Variants in BABAM2 observed in about 807,000 individuals in gnomAD.
BABAM2 encodes BRISC and BRCA1-A complex member 2.
A neutral mutation model predicts 54.7 loss-of-function variants in BABAM2; 31 were observed. The ratio of observed to expected loss-of-function variants is 0.57; its 90% CI spans 0.43 to 0.77. The LOEUF is 0.77. BABAM2 is among the 30% of genes least tolerant of loss of function. BABAM2 has a pLI of 0.00. For missense variants in BABAM2, 364 were observed against 455.8 expected, an observed-to-expected ratio of 0.80 and a Z score of 1.83; for synonymous variants, 167 against 162.9, an observed-to-expected ratio of 1.03 and a Z score of -0.19.
intron 10 of BABAM2, among the ~76,000 whole-genome samples, chr2:28,295,579 T>G (rs1359127508): frequency 1.3e-5 from 2 of 152,070 alleles, no homozygotes; most frequent in Admixed American, 1.3e-4. Context: ...CACTGCAACA[T>G]CTCTCTCCAG....
Position 28,324,501 on chromosome 2 carries a change from TGGTGGC to T in BABAM2, c.1089-13948_1089-13943del, listed in dbSNP as rs540123018. On this transcript the variant is annotated intron_variant, in intron 11 of 11. Transcript: ENST00000379624. ...TAGAAAAGTTACTTTGGGCCAGGCATGGTGGCTCACACCTATAATTTCAGAACTTTG... is the reference window on the plus strand; with the variant it reads ...TAGAAAAGTTACTTTGGGCCAGGCATTCACACCTATAATTTCAGAACTTTG... 9.3e-4 allele frequency among the ~76,000 whole-genome samples: 142 copies of T among 152,122 alleles called. 1 individual carries two copies. In the East Asian group the frequency reaches 0.01, roughly 11 times the overall value.
intron 10 of BABAM2, among the ~76,000 whole-genome samples, chr2:28,289,263 T>C (rs1163404949): frequency 1.3e-5 from 2 of 152,128 alleles, no homozygotes; most frequent in African/African-American, 2.4e-5. Flanking sequence ...CTAGTATATA[T>C]CCATAAAAAT....
At chr2:28,306,089 C>A (rs1688493820) in intron 11 of BABAM2, among the ~76,000 whole-genome samples, 1 of 152,064 alleles carries the variant, frequency 6.6e-6, no homozygotes, top group Admixed American at 6.5e-5. Context: ...GAGATCATAA[C>A]CTGTATGATT....
At chr2:28,107,462 C>G (rs537143898) in intron 6 of BABAM2, among the ~76,000 whole-genome samples, 1 of 152,296 alleles carries the variant, frequency 6.6e-6, no homozygotes, top group Non-Finnish European at 1.5e-5. Context: ...CCCTTCTCAC[C>G]AGTATCCAGT....
upstream of BABAM2, chr2:27,890,426 C>A: frequency 1.4e-6 from 2 of 1,382,402 alleles, no homozygotes; most frequent in South Asian, 1.2e-5. The surrounding 1 kb of genome is among the most constrained non-coding windows in gnomAD (Gnocchi z 4.8). Flanking sequence ...CCACTCCTGC[C>A]CTCCCTAACG....
chr2:27,911,721 G>A (rs1666615959), intron 2 of BABAM2, among the ~76,000 whole-genome samples: 1 of 152,010 alleles, frequency 6.6e-6, no homozygotes, highest in African/African-American at 2.4e-5. Flanking sequence ...CTCTCTCTCA[G>A]TACTGTCAGC....
At chr2:28,211,343 A>T (rs918396047) in intron 7 of BABAM2, among the ~76,000 whole-genome samples, 1 of 150,442 alleles carries the variant, frequency 6.6e-6, no homozygotes, top group African/African-American at 2.4e-5. Flanking sequence ...GTATTTAATA[A>T]CATTTGGTCA....
intron 5 of BABAM2, among the ~76,000 whole-genome samples, chr2:28,028,040 C>T (rs1322347353): frequency 1.3e-5 from 2 of 152,158 alleles, no homozygotes; most frequent in East Asian, 1.9e-4. Flanking sequence ...CAGGGTCTCT[C>T]ACAGGCTGTG....
intron 4 of BABAM2, among the ~76,000 whole-genome samples, chr2:28,001,759 G>A (rs1188764777): frequency 6.6e-6 from 1 of 151,990 alleles, no homozygotes; most frequent in African/African-American, 2.4e-5. Flanking sequence ...AGAGAGAGGA[G>A]GGGGGTGCTA....
intron 6 of BABAM2, among the ~76,000 whole-genome samples, chr2:28,103,197 T>C (rs971983570): frequency 3.9e-5 from 6 of 152,066 alleles, no homozygotes; most frequent in African/African-American, 1.2e-4. Context: ...TAAGGCCTTA[T>C]AGCCAGTGTT....
intron 3 of BABAM2, among the ~76,000 whole-genome samples, chr2:27,954,481 A>G (rs554306613): frequency 2.0e-5 from 3 of 152,324 alleles, no homozygotes; most frequent in East Asian, 3.9e-4. Context: ...GTGAAATACT[A>G]AAAGATTCCA....
chr2:28,296,806 G>A (rs899118533), intron 10 of BABAM2, among the ~76,000 whole-genome samples: 10 of 152,150 alleles, frequency 6.6e-5, no homozygotes, highest in Non-Finnish European at 2.9e-5. Flanking sequence ...TTCTGCCTCA[G>A]ACTCCCGGGT....
At position 28,322,275 on chromosome 2, in the gene BABAM2, G is replaced by A. The variant is rs1273124099; in HGVS notation, c.1089-16175G>A. ...GTCCCTGAACTTCGGTGAAGTATGA[G>A]CCACCAAGCTCCGCCCAAGGGTGAC... On this transcript the variant is annotated intron_variant, in intron 11 of 11. Coordinates refer to ENST00000379624, the MANE Select transcript of BABAM2 (RefSeq NM_199191.3). This position sits in a 1 kb window ranked among gnomAD's most constrained non-coding sequence, Gnocchi z 4.1. Among the ~76,000 whole-genome samples, 1 of 152,172 alleles carries A rather than the reference G, an allele frequency of 6.6e-6. No individual in the cohort carries two copies. The highest frequency in any genetic ancestry group is 1.5e-5 in the Non-Finnish European group (1 of 68,022).
chr2:27,917,618 A>C (rs531207715), intron 2 of BABAM2, among the ~76,000 whole-genome samples: 4 of 152,136 alleles, frequency 2.6e-5, no homozygotes, highest in Non-Finnish European at 5.9e-5. Flanking sequence ...GTCAGCTCTC[A>C]AAGGCCCTAC....
Position 28,281,995 on chromosome 2 carries a change from A to C in BABAM2, c.935-16343A>C, listed in dbSNP as rs145867582. 2.6e-3 allele frequency among the ~76,000 whole-genome samples: 395 copies of C among 152,340 alleles called. 6 individuals carry two copies. The highest frequency in any genetic ancestry group is 2.5e-3 in the Non-Finnish European group (172 of 68,040). ...GAGACTTTCTGAAAAGGAAGTGCTG[A>C]AGTGCCAAGCCTTCAGGCTTAACAG... On this transcript the variant is annotated intron_variant, in intron 10 of 11. Coordinates refer to ENST00000379624, the MANE Select transcript of BABAM2 (RefSeq NM_199191.3).
intron 3 of BABAM2, among the ~76,000 whole-genome samples, chr2:27,972,754 T>C (rs1671306617): frequency 6.8e-6 from 1 of 147,124 alleles, no homozygotes; most frequent in African/African-American, 2.5e-5. Flanking sequence ...CTTTAATTTA[T>C]TATTATTTTA....
chr2:27,933,236 A>C (rs1259456329), intron 3 of BABAM2, among the ~76,000 whole-genome samples: 6 of 152,102 alleles, frequency 3.9e-5, no homozygotes, highest in Non-Finnish European at 1.5e-5. Flanking sequence ...ATTCTAGCAA[A>C]TTATTGTTGG....
chr2:27,930,221 T>C lies in BABAM2; in HGVS notation c.205+313T>C, dbSNP rs1667992179. ...CAATAAAGAGTCCACTGCTTTAGAA[T>C]ACCTGGCCATTTCGAAACAGTTTTT... On this transcript the variant is annotated intron_variant, in intron 3 of 11. Coordinates refer to ENST00000379624, the MANE Select transcript of BABAM2 (RefSeq NM_199191.3). 9.4e-6 allele frequency: 2 copies of C among 212,434 alleles called. 1 individual carries two copies. Among genetic ancestry groups the C allele is most frequent in the Non-Finnish European group, 1.9e-5 (2 of 105,842 alleles). 13.2% of individuals were successfully genotyped at this position (212,434 alleles called of 1,614,324 possible).
chr2:28,253,930 G>T (rs879284591), intron 10 of BABAM2, among the ~76,000 whole-genome samples: 1 of 152,162 alleles, frequency 6.6e-6, no homozygotes, highest in Non-Finnish European at 1.5e-5. Flanking sequence ...TCAAGGTAGG[G>T]ATTCATTTTT....
Sources: gnomAD v4.1 joint callset for allele counts (sites outside exome capture counted in the v4.1 genomes callset) on GRCh38, gnomAD v4.1.1 for gene constraint, Gnocchi (gnomAD v3.1) non-coding constraint, MANE v1.5 for transcripts, NCBI Gene and HGNC (gene_info 2026-07-23, HGNC 2026-07-21) for gene names.